Variants in CADPS observed in about 807,000 individuals in gnomAD.
CADPS encodes calcium dependent secretion activator, also known as calcium-dependent secretion activator 1.
In CADPS, 57 loss-of-function variants were observed where a neutral mutation model predicts 167.3. The observed-to-expected ratio is 0.34, with a 90% CI of 0.28 to 0.42. The LOEUF is 0.42. Ranked by LOEUF, CADPS falls within the 20% of genes least tolerant of loss-of-function variation. CADPS has a pLI of 1.00. For synonymous variants in CADPS, 676 were observed against 635.3 expected, an observed-to-expected ratio of 1.06 and a Z score of -0.96; for missense variants, 1,414 against 1,738.1, an observed-to-expected ratio of 0.81 and a Z score of 3.32.
At chr3:62,444,272 TC>T (rs1366320560) in intron 27 of CADPS, among the ~76,000 whole-genome samples, 1 of 152,148 alleles carries the variant, frequency 6.6e-6, no homozygotes, top group Non-Finnish European at 1.5e-5. Flanking sequence ...TGCAAATTCA[TC>T]CCCCATCCAT....
chr3:62,838,050 C>A (rs1264537123), intron 1 of CADPS, among the ~76,000 whole-genome samples: 1 of 152,196 alleles, frequency 6.6e-6, no homozygotes, highest in East Asian at 1.9e-4. Flanking sequence ...CTGATACAGG[C>A]AAGAAATCCA....
Position 62,399,338 on chromosome 3 carries a change from T to A in CADPS, c.*68A>T. On this transcript the variant is annotated 3_prime_UTR_variant, in exon 30 of 30. Coordinates refer to ENST00000383710, the MANE Select transcript of CADPS (RefSeq NM_003716.4). This position sits in a 1 kb window ranked among gnomAD's most constrained non-coding sequence, Gnocchi z 5.6. ...GTTGACAGAAAATTCCTAATGGGTT[T>A]AACTAACAGACTAAGGACATGCACT... 1 of 1,471,746 alleles carries A rather than the reference T, an allele frequency of 6.8e-7. No individual in the cohort carries two copies. 91.2% of individuals were successfully genotyped at this position (1,471,746 alleles called of 1,614,324 possible).
chr3:62,635,974 A>T (rs1338673141), intron 6 of CADPS, among the ~76,000 whole-genome samples: 1 of 152,228 alleles, frequency 6.6e-6, no homozygotes. Context: ...TTCCAAAGGA[A>T]ACTAAAAAAG....
At chr3:62,634,028 T>C (rs2065795864) in intron 6 of CADPS, among the ~76,000 whole-genome samples, 1 of 152,212 alleles carries the variant, frequency 6.6e-6, no homozygotes, top group African/African-American at 2.4e-5. Context: ...GTGAAATATT[T>C]TGGGGCCAGC....
At chr3:62,525,582 T>G (rs1295103104) in intron 13 of CADPS, among the ~76,000 whole-genome samples, 1 of 151,498 alleles carries the variant, frequency 6.6e-6, no homozygotes, top group Non-Finnish European at 1.5e-5. Context: ...AAGTGCTACA[T>G]GCAGAGGTTA....
intron 6 of CADPS, among the ~76,000 whole-genome samples, chr3:62,610,913 G>T (rs914058712): frequency 6.6e-6 from 1 of 151,676 alleles, no homozygotes; most frequent in Non-Finnish European, 1.5e-5. Context: ...TTGCTCTCCA[G>T]AATACATTTG....
intron 1 of CADPS, among the ~76,000 whole-genome samples, chr3:62,823,053 G>A (rs1385628154): frequency 1.3e-5 from 2 of 152,158 alleles, no homozygotes; most frequent in East Asian, 1.9e-4. Context: ...CATGAGAAAT[G>A]ACCTGCCATT....
At chr3:62,735,260 AT>A (rs1187449947) in intron 3 of CADPS, among the ~76,000 whole-genome samples, 2 of 152,186 alleles carry the variant, frequency 1.3e-5, no homozygotes, top group Non-Finnish European at 2.9e-5. Flanking sequence ...AATATGATGT[AT>A]ATAAAGATTT....
chr3:62,588,624 G>T (rs1304983201), intron 7 of CADPS, among the ~76,000 whole-genome samples: 1 of 152,118 alleles, frequency 6.6e-6, no homozygotes, highest in Non-Finnish European at 1.5e-5. Context: ...TTATTCTATA[G>T]ATACCCACAC....
chr3:62,483,856 TAC>T (rs2062397184), intron 21 of CADPS, among the ~76,000 whole-genome samples: 1 of 152,146 alleles, frequency 6.6e-6, no homozygotes, highest in Admixed American at 6.5e-5. Context: ...CATTAAATGA[TAC>T]ACACACTGAA....
intron 3 of CADPS, among the ~76,000 whole-genome samples, chr3:62,681,741 T>C (rs968676276): frequency 6.6e-6 from 1 of 151,970 alleles, no homozygotes; most frequent in African/African-American, 2.4e-5. Flanking sequence ...TGTTACAGAG[T>C]GTCATTTTGA....
At chr3:62,633,563 G>C (rs1340824541) in intron 6 of CADPS, among the ~76,000 whole-genome samples, 2 of 151,996 alleles carry the variant, frequency 1.3e-5, no homozygotes. Context: ...AGAGTCTCAG[G>C]ACTTGGCAAT....
chr3:62,710,890 T>C (rs2083271083), intron 3 of CADPS, among the ~76,000 whole-genome samples: 1 of 152,222 alleles, frequency 6.6e-6, no homozygotes, highest in South Asian at 2.1e-4. Flanking sequence ...CCCGTGCTTA[T>C]CATTTCTTTT....
intron 3 of CADPS, among the ~76,000 whole-genome samples, chr3:62,751,479 T>A (rs304163): frequency 6.6e-6 from 1 of 152,166 alleles, no homozygotes; most frequent in Non-Finnish European, 1.5e-5. Flanking sequence ...TGGAGTCTCG[T>A]TCTGTTGCCC....
At chr3:62,530,712 TG>T in intron 13 of CADPS, 1 of 1,289,272 alleles carries the variant, frequency 7.8e-7, no homozygotes. Context: ...GATTCCTTTT[TG>T]GTATCTTTTT....
intron 3 of CADPS, among the ~76,000 whole-genome samples, chr3:62,699,340 G>A (rs970282983): frequency 4.1e-4 from 62 of 151,798 alleles, no homozygotes; most frequent in African/African-American, 1.4e-3. Flanking sequence ...CCTGGTGTCC[G>A]TGGTTCTTCT....
chr3:62,608,304 A>G (rs2060983428), intron 6 of CADPS, among the ~76,000 whole-genome samples: 2 of 149,558 alleles, frequency 1.3e-5, no homozygotes, highest in South Asian at 4.2e-4. Context: ...TTTTTTTGAG[A>G]CAGGATCTTG....
chr3:62,771,367 C>A (rs1229733766), intron 1 of CADPS, among the ~76,000 whole-genome samples: 4 of 152,200 alleles, frequency 2.6e-5, no homozygotes, highest in Non-Finnish European at 5.9e-5. Context: ...CTTCTTAACA[C>A]CCTTTGCCAA....
rs199806864 is a variant in CADPS, at chr3:62,691,505, T to TA, written c.889-29112dup. ...ACTTCTCTGAAAAATAAGGTTTACT[T>TA]AAAAAAAAATTCTTTCAACAGCAGT... On this transcript the variant is annotated intron_variant, in intron 3 of 29. Coordinates refer to ENST00000383710, the MANE Select transcript of CADPS (RefSeq NM_003716.4). 5.3e-5 allele frequency among the ~76,000 whole-genome samples: 8 copies of TA among 151,610 alleles called. No homozygotes were observed. In the East Asian group the frequency reaches 1.4e-3, roughly 26 times the overall value.
Sources: gnomAD v4.1 joint callset for allele counts (sites outside exome capture counted in the v4.1 genomes callset) on GRCh38, gnomAD v4.1.1 for gene constraint, Gnocchi (gnomAD v3.1) non-coding constraint, MANE v1.5 for transcripts, NCBI Gene and HGNC (gene_info 2026-07-23, HGNC 2026-07-21) for gene names.